The following DPYSL4 variants were observed in gnomAD, a reference collection of about 807,000 sequenced individuals.
DPYSL4 encodes the protein dihydropyrimidinase like 4, also known as dihydropyrimidinase-related protein 4.
Under a neutral mutation model 63.4 loss-of-function variants are expected in DPYSL4, and 43 were observed. The observed-to-expected ratio is 0.68, with a 90% CI of 0.53 to 0.88. The LOEUF (loss-of-function observed/expected upper bound fraction) is 0.88, where lower values mean the gene tolerates loss of function less well. DPYSL4 is among the 40% of genes least tolerant of loss of function. The pLI, the probability that DPYSL4 is intolerant of heterozygous loss-of-function variation, is 0.00. For synonymous variants in DPYSL4, 353 were observed against 331.7 expected (o/e 1.06, Z -0.70); for missense variants, 733 against 819.5 (o/e 0.89, Z 1.29).
intron 3 of DPYSL4, among the ~76,000 whole-genome samples, chr10:132,193,304 A>G (rs2061900867): frequency 6.6e-6 from 1 of 152,226 alleles, no homozygotes; most frequent in South Asian, 2.1e-4. Context: ...AGATAAAAGC[A>G]ATGCTCATTA....
intron 6 of DPYSL4, among the ~76,000 whole-genome samples, chr10:132,197,953 C>A (rs1223408942): frequency 6.6e-6 from 1 of 152,218 alleles, no homozygotes; most frequent in African/African-American, 2.4e-5. Flanking sequence ...ATTGGGGCTG[C>A]TGCTTCTGGC....
intron 6 of DPYSL4, among the ~76,000 whole-genome samples, chr10:132,198,051 T>G (rs529326324): frequency 9.9e-5 from 15 of 152,254 alleles, no homozygotes; most frequent in African/African-American, 3.6e-4. Context: ...GGTCGTCCAT[T>G]CCTGACCTGC....
chr10:132,197,290 C>A (rs1489391749), intron 6 of DPYSL4, among the ~76,000 whole-genome samples, 189 bp downstream of exon 6: 1 of 152,224 alleles, frequency 6.6e-6, no homozygotes, highest in Non-Finnish European at 1.5e-5. Flanking sequence ...GTTAGAGAGA[C>A]TGGGGGGTGA....
chr10:132,201,135 G>C, intron 10 of DPYSL4, 152 bp downstream of exon 10: 1 of 1,197,060 alleles, frequency 8.4e-7, no homozygotes, highest in Non-Finnish European at 1.1e-6. Flanking sequence ...CCCACCCAGG[G>C]CGCCTCAGAC....
intron 9 of DPYSL4, 26 bp from the exon 10 acceptor site, chr10:132,200,816 A>G (rs1192168925): frequency 6.2e-7 from 1 of 1,607,874 alleles, no homozygotes; most frequent in Non-Finnish European, 8.5e-7. Flanking sequence ...GAAGGCCAGG[A>G]CCCTCTGACC....
chr10:132,196,476 G>A (rs570267600), intron 4 of DPYSL4, among the ~76,000 whole-genome samples: 1 of 152,230 alleles, frequency 6.6e-6, no homozygotes, highest in South Asian at 2.1e-4. Flanking sequence ...CCAGCACAGC[G>A]CGGCCCTGGC....
At position 132,198,943 on chromosome 10, in the gene DPYSL4, C is replaced by T. The variant is rs550961128; in HGVS notation, c.783C>T (p.Ala261=). ...CCAAGGTGATGAGCAAGGGGGCGGC[C>T]GACGCCATCGCTCAGGCCAAGCGCA... is the stretch of plus-strand genomic sequence containing the variant. ...YVTKVMSKGA[A]DAIAQAKRRG... is the part of the protein sequence containing the mutation. Residue 261 remains alanine, a synonymous_variant, in exon 8 of 14, where the codon GCC becomes GCT. Transcript: ENST00000338492. The T allele has an allele frequency of 1.3e-4, 204 of 1,612,618 alleles. No individual in the cohort carries two copies. The South Asian group carries it at 1.6e-3, about 12-fold the overall frequency.
chr10:132,199,016 G>C (rs186313092), intron 8 of DPYSL4, 45 bp downstream of exon 8: 2 of 1,593,224 alleles, frequency 1.3e-6, no homozygotes, highest in Non-Finnish European at 8.6e-7. Flanking sequence ...CCATGGTCTC[G>C]GCCTCCTGGG....
intron 13 of DPYSL4, 66 bp downstream of exon 13, chr10:132,203,993 C>T: frequency 6.5e-7 from 1 of 1,538,172 alleles, no homozygotes; most frequent in Non-Finnish European, 8.8e-7. Flanking sequence ...GCCTCAGGTA[C>T]CAGGGCCCAG....
intron 6 of DPYSL4, among the ~76,000 whole-genome samples, chr10:132,197,635 G>T (rs2061962928): frequency 6.6e-6 from 1 of 152,238 alleles, no homozygotes; most frequent in East Asian, 1.9e-4. Flanking sequence ...CAGAGAGTGG[G>T]CCACCCCATA....
At chr10:132,188,979 C>G (rs1264820596) in intron 1 of DPYSL4, among the ~76,000 whole-genome samples, 1 of 152,188 alleles carries the variant, frequency 6.6e-6, no homozygotes. Context: ...AAATACAGCC[C>G]CACAGTTAGA....
intron 1 of DPYSL4, among the ~76,000 whole-genome samples, chr10:132,188,376 C>T (rs970848728): frequency 1.3e-5 from 2 of 152,200 alleles, no homozygotes; most frequent in Admixed American, 1.3e-4. Flanking sequence ...CACGTCTCCT[C>T]AAGCCTCCTT....
intron 1 of DPYSL4, among the ~76,000 whole-genome samples, 199 bp downstream of exon 1, chr10:132,187,301 C>A (rs2061810188): frequency 6.6e-6 from 1 of 151,344 alleles, no homozygotes; most frequent in South Asian, 2.1e-4. Flanking sequence ...GCCGCGCAGA[C>A]CCCCTTAAGG....
At position 132,204,896 on chromosome 10, in the gene DPYSL4, C is replaced by T; in HGVS notation, c.1685C>T (p.Pro562Leu). 1 of 1,612,586 alleles carries T rather than the reference C, an allele frequency of 6.2e-7. No individual in the cohort carries two copies. The highest frequency in any genetic ancestry group is 8.5e-7 in the Non-Finnish European group (1 of 1,179,224). ...ACAGCACAGAAGATCATGGCACCAC[C>T]TGGCGGCCGCTCCAACATCACCTCT... ...RRTAQKIMAPPGGRSNITSLS is the reference protein window; with the variant it reads ...RRTAQKIMAPLGGRSNITSLS The change falls in exon 14 of 14, where the codon CCT (proline) becomes CTT (leucine). Residue 562 changes from proline (P) to leucine (L), a missense_variant. Transcript: ENST00000338492.
rs1444111293 is a variant in DPYSL4, at chr10:132,197,113, C to T, written c.621+12C>T. On this transcript the variant is annotated intron_variant, in intron 6 of 13. Transcript: ENST00000338492. ...ACATCGTGGAGGAGGTGCCGTGGGGCAGGGCTGCCGTGGGGCAGGCACAGG... is the reference window on the plus strand; with the variant it reads ...ACATCGTGGAGGAGGTGCCGTGGGGTAGGGCTGCCGTGGGGCAGGCACAGG... 3 of 1,491,466 alleles carry T rather than the reference C, an allele frequency of 2.0e-6. No individual in the cohort carries two copies. Among genetic ancestry groups the T allele is most frequent in the Admixed American group, 4.3e-5 (2 of 46,206 alleles). 92.4% of individuals were successfully genotyped at this position (1,491,466 alleles called of 1,614,324 possible).
rs2062051649 is a variant in DPYSL4 at position 132,203,636 on chromosome 10, G to A, written c.1462-126G>A. The A allele has an allele frequency of 6.6e-6, 6 of 913,838 alleles. No individual in the cohort carries two copies. In the South Asian group the frequency reaches 1.0e-4, roughly 16 times the overall value. 56.6% of individuals were successfully genotyped at this position (913,838 alleles called of 1,614,324 possible). ...GCCCCAAATTCCTGAAGCTGGCACT[G>A]GAGAGGCGCAGAGCAGGCCCAGCCC... is the stretch of plus-strand genomic sequence containing the variant. On this transcript the variant is annotated intron_variant, in intron 12 of 13. Transcript: ENST00000338492.
At chr10:132,201,889 C>G in intron 10 of DPYSL4, 57 bp from the exon 11 acceptor site, 2 of 1,556,642 alleles carry the variant, frequency 1.3e-6, no homozygotes, top group South Asian at 2.4e-5. Flanking sequence ...TCTGTCCTCG[C>G]GCAAGCCTCA....
chr10:132,192,296 G>A (rs2137503423), intron 2 of DPYSL4: 1 of 994,960 alleles, frequency 1.0e-6, no homozygotes, highest in Non-Finnish European at 1.2e-6. Flanking sequence ...TTAGTATGGT[G>A]CCTGGCTCAT....
chr10:132,204,974 G>A lies in DPYSL4; in HGVS notation c.*44G>A, dbSNP rs1215746058. The A allele has an allele frequency of 6.5e-7, 1 of 1,527,802 alleles. No homozygotes were observed. The highest frequency in any genetic ancestry group is 2.0e-5 in the Admixed American group (1 of 49,280). 94.6% of individuals were successfully genotyped at this position (1,527,802 alleles called of 1,614,324 possible). On this transcript the variant is annotated 3_prime_UTR_variant, in exon 14 of 14. Coordinates refer to ENST00000338492, the MANE Select transcript of DPYSL4 (RefSeq NM_006426.3). The stretch of plus-strand genomic sequence containing the variant: ...GTGAGCCGTGCTGGCCCCACCCGAG[G>A]CCGCGGGGGCCCCAGGGCACTCGCC...
Sources: gnomAD v4.1 joint callset for allele counts (sites outside exome capture counted in the v4.1 genomes callset) on GRCh38, gnomAD v4.1.1 for gene constraint, MANE v1.5 for transcripts, NCBI Gene and HGNC (gene_info 2026-07-23, HGNC 2026-07-21) for gene names.